The following PTCH2 variants were observed in gnomAD, a reference collection of about 807,000 sequenced individuals.
The protein encoded by PTCH2 is protein patched homolog 2.
PTCH2 carries 96 observed loss-of-function variants against 117.9 expected under a neutral mutation model. The observed-to-expected ratio is 0.81, with a 90% CI of 0.69 to 0.96. PTCH2 has a LOEUF of 0.96. Ranked by LOEUF, PTCH2 falls within the 50% of genes least tolerant of loss-of-function variation. PTCH2 has a pLI of 0.00. For synonymous variants in PTCH2, 615 were observed against 660.9 expected, an observed-to-expected ratio of 0.93 and a Z score of 1.06; for missense variants, 1,379 against 1,562.5, an observed-to-expected ratio of 0.88 and a Z score of 1.98.
At chr1:44,824,115 T>G (rs1297623797) in intron 19 of PTCH2, among the ~76,000 whole-genome samples, 1 of 152,172 alleles carries the variant, frequency 6.6e-6, no homozygotes, top group African/African-American at 2.4e-5. Flanking sequence ...AAGCCTGAAA[T>G]AGTTATTATT....
chr1:44,829,888 A>G (rs1475077068), intron 7 of PTCH2, 21 bp downstream of exon 7: 12 of 1,613,866 alleles, frequency 7.4e-6, no homozygotes, highest in Non-Finnish European at 1.0e-5. Context: ...TCCCCTCACC[A>G]ACTCCCAGAG....
chr1:44,825,713 G>T (rs1653112840), intron 19 of PTCH2, among the ~76,000 whole-genome samples: 1 of 151,420 alleles, frequency 6.6e-6, no homozygotes, highest in African/African-American at 2.4e-5. Flanking sequence ...TTTCAGTAGA[G>T]ACGGGGTTTT....
rs2148886522 is a variant in PTCH2, at chr1:44,842,045, A to C, written c.73-6T>G. The C allele has an allele frequency of 6.2e-7, 1 of 1,609,572 alleles. No homozygotes were observed. The highest frequency in any genetic ancestry group is 8.5e-7 in the Non-Finnish European group (1 of 1,176,532). On this transcript the variant is annotated splice_region_variant and splice_polypyrimidine_tract_variant and intron_variant, in intron 1 of 21. Coordinates refer to ENST00000372192, the MANE Select transcript of PTCH2 (RefSeq NM_003738.5). ...TTCAGGCTCCCAGCTAGGATCTGGG[A>C]TGGAAAGAGAAGGGTCAGCCAGGCA...
In PTCH2 at chr1:44,827,884, G is replaced by A. The variant is rs151287275; in HGVS notation, c.2017C>T (p.Arg673Cys). ...AGCAGCAACGGGGCAAACTGATAGC[G>A]GGCGAAATGGGCAAGATTCCAGCGG... ...CARWNLAHFA[R>C]YQFAPLLLQS... Residue 673 changes from arginine (R) to cysteine (C), a missense_variant, in exon 14 of 22, where the codon CGC becomes TGC. By Grantham distance (180) the Arg-to-Cys change is radical (BLOSUM62 -3). Coordinates refer to ENST00000372192, the MANE Select transcript of PTCH2 (RefSeq NM_003738.5). The A allele has an allele frequency of 1.9e-5, 31 of 1,614,038 alleles. No individual in the cohort carries two copies. The highest frequency in any genetic ancestry group is 5.5e-5 in the South Asian group (5 of 91,090).
At position 44,843,051 on chromosome 1, in the gene PTCH2, G is replaced by C; in HGVS notation, c.-119C>G. The C allele has an allele frequency of 3.5e-6, 5 of 1,430,738 alleles. No individual in the cohort carries two copies. Among genetic ancestry groups the C allele is most frequent in the Non-Finnish European group, 4.6e-6 (5 of 1,096,754 alleles). The allele number at this position is 1,430,738 out of a possible 1,614,324, so 88.6% of individuals were successfully genotyped here. A position where few individuals can be genotyped will look rare whatever the true frequency, so the allele number is the denominator to read the frequency against. The stretch of plus-strand genomic sequence containing the variant: ...GTAGGGATTCAGTGGGGCCGCCAAG[G>C]CGCGGGCGTGGGAGAGACTGTGGGG... On this transcript the variant is annotated 5_prime_UTR_variant, in exon 1 of 22. Coordinates refer to ENST00000372192, the MANE Select transcript of PTCH2 (RefSeq NM_003738.5).
Position 44,822,521 on chromosome 1 carries a change from A to AG in PTCH2, c.3505dup (p.Leu1169ProfsTer11), listed in dbSNP as rs763413121. On this transcript the variant is annotated frameshift_variant, in exon 22 of 22. Transcript: ENST00000372192. LOFTEE classifies it low-confidence loss of function (END_TRUNC). Reference sequence around the variant, plus strand: ...GGCTGGATGGATGTAGGCACCAGGCAGGGGGGGTGGGTGGATGGCCACGGT... The same window carrying AG: ...GGCTGGATGGATGTAGGCACCAGGCAGGGGGGGGTGGGTGGATGGCCACGGT... 39 of 1,610,846 alleles carry AG rather than the reference A, an allele frequency of 2.4e-5. No homozygotes were observed. The highest frequency in any genetic ancestry group is 1.5e-4 in the Admixed American group (9 of 59,962).
rs1267270984 is a variant in PTCH2, at chr1:44,830,048, G to A, written c.814-18C>T. ...TTGGGAGCCTGGAGGGGAACAGGAG[G>A]GGTTAATGCTCAAGGCCCTGGCCGT... On this transcript the variant is annotated intron_variant, in intron 6 of 21. Coordinates refer to ENST00000372192, the MANE Select transcript of PTCH2 (RefSeq NM_003738.5). 6.2e-7 allele frequency: 1 copy of A among 1,613,424 alleles called. No individual in the cohort carries two copies. Among genetic ancestry groups the A allele is most frequent in the Admixed American group, 1.7e-5 (1 of 59,954 alleles).
At position 44,827,618 on chromosome 1, in the gene PTCH2, G is replaced by A. The variant is rs200355030; in HGVS notation, c.2155C>T (p.Arg719Trp). The change falls in exon 15 of 22, where the codon CGG becomes TGG. Residue 719 changes from arginine to tryptophan, a missense_variant. Arg to Trp is a moderately radical substitution (Grantham distance 101). Coordinates refer to ENST00000372192, the MANE Select transcript of PTCH2 (RefSeq NM_003738.5). ...DGLALTDVVP[R>W]GTKEHAFLSA... ...AGGAAGGCATGCTCCTTGGTGCCCC[G>A]AGGCACCACATCCGTCAGGGCCAGG... 102 of 1,613,820 alleles carry A rather than the reference G, an allele frequency of 6.3e-5. No homozygotes were observed. The South Asian group carries it at 1.0e-3, about 16-fold the overall frequency.
intron 21 of PTCH2, 78 bp downstream of exon 21, chr1:44,822,991 G>A: frequency 6.7e-7 from 1 of 1,485,006 alleles, no homozygotes; most frequent in East Asian, 2.3e-5. Context: ...GGGCCACAGG[G>A]CTCTGTCCCT....
rs1201146587 is a variant in PTCH2 at position 44,826,674 on chromosome 1, G to T, written c.2790C>A (p.Ala930=). 4 of 1,609,632 alleles carry T rather than the reference G, an allele frequency of 2.5e-6. No individual in the cohort carries two copies. The Admixed American group carries it at 6.7e-5, about 27-fold the overall frequency. The change falls in exon 18 of 22, where the codon GCC becomes GCA. Residue 930 remains alanine, a synonymous_variant. Transcript: ENST00000372192. The surrounding 1 kb of genome is among the most constrained non-coding windows in gnomAD (Gnocchi z 5.1). Reference sequence around the variant, plus strand: ...GGCCGGCCTCTGCGCATGCTGCCCGGGCCCCCTCGATGGCCTCCACAAAGT... The same window carrying T: ...GGCCGGCCTCTGCGCATGCTGCCCGTGCCCCCTCGATGGCCTCCACAAAGT... The part of the protein sequence containing the change: ...TADFVEAIEG[A]RAACAEAGQA...
At chr1:44,834,122 C>CTT (rs10695694) in intron 2 of PTCH2, among the ~76,000 whole-genome samples, 29,132 of 140,846 alleles carry the variant, frequency 0.21, 3,248 homozygotes, top group East Asian at 0.28. Flanking sequence ...AGTTCCTTCC[C>CTT]TTTTTTTTTT....
At chr1:44,820,444 G>A (rs1389158602), downstream of PTCH2, 1 of 678,862 alleles carries the variant, frequency 1.5e-6, no homozygotes, top group East Asian at 2.8e-5. Flanking sequence ...GGAAACAGAC[G>A]GGCACAGACA....
In PTCH2 at chr1:44,826,480, G is replaced by A. The variant is rs775332857; in HGVS notation, c.2976+8C>T. ...GGTGTCTCTGTCCCCACTCCTGCAA[G>A]CACTCACTATGAGGCCAGCCGTCCA... is the stretch of plus-strand genomic sequence containing the variant. On this transcript the variant is annotated splice_region_variant and intron_variant, in intron 18 of 21. Coordinates refer to ENST00000372192, the MANE Select transcript of PTCH2 (RefSeq NM_003738.5). The surrounding 1 kb of genome is among the most constrained non-coding windows in gnomAD (Gnocchi z 5.1). The A allele has an allele frequency of 1.2e-6, 2 of 1,613,836 alleles. No individual in the cohort carries two copies. The highest frequency in any genetic ancestry group is 1.7e-6 in the Non-Finnish European group (2 of 1,179,998).
rs1366000440 is a variant in PTCH2, at chr1:44,842,846, T to A, written c.72+15A>T. 4 of 1,545,236 alleles carry A rather than the reference T, an allele frequency of 2.6e-6. No homozygotes were observed. Among genetic ancestry groups the A allele is most frequent in the Non-Finnish European group, 2.6e-6 (3 of 1,142,100 alleles). On this transcript the variant is annotated intron_variant, in intron 1 of 21. Coordinates refer to ENST00000372192, the MANE Select transcript of PTCH2 (RefSeq NM_003738.5). Reference sequence around the variant, plus strand: ...GCTCCGCTCTCTTCCTTCTTCCAGCTCCCCCTCTACTCACCTGGGGTGCTG... The same window carrying A: ...GCTCCGCTCTCTTCCTTCTTCCAGCACCCCCTCTACTCACCTGGGGTGCTG...
At position 44,823,139 on chromosome 1, in the gene PTCH2, G is replaced by A. The variant is rs1159570918; in HGVS notation, c.3287C>T (p.Thr1096Met). The change falls in exon 21 of 22, where the codon ACG becomes ATG. Residue 1096 changes from threonine to methionine, a missense_variant. By Grantham distance (81) the Thr-to-Met change is moderately conservative. Transcript: ENST00000372192. This position sits in a 1 kb window ranked among gnomAD's most constrained non-coding sequence, Gnocchi z 5.1. ...RYFFAALTVL[T>M]LLGLLHGLVL... ...GAGTCCATGGAGGAGGCCCAGGAGC[G>A]TGAGCACTGTCAGCGCCGCAAAGAA... The A allele has an allele frequency of 4.3e-6, 7 of 1,614,096 alleles. No individual in the cohort carries two copies. Among genetic ancestry groups the A allele is most frequent in the South Asian group, 1.1e-5 (1 of 91,062 alleles).
intron 2 of PTCH2, 120 bp downstream of exon 2, chr1:44,841,727 C>A (rs1653954980): frequency 9.3e-7 from 1 of 1,073,886 alleles, no homozygotes; most frequent in Admixed American, 1.9e-5. Flanking sequence ...GGACTCTGGC[C>A]AGCAGGTGAC....
Position 44,826,485 on chromosome 1 carries a change from C to A in PTCH2, c.2976+3G>T, listed in dbSNP as rs1653147268. The A allele has an allele frequency of 6.2e-7, 1 of 1,613,848 alleles. No homozygotes were observed. Among genetic ancestry groups the A allele is most frequent in the African/African-American group, 1.3e-5 (1 of 75,046 alleles). On this transcript the variant is annotated splice_donor_region_variant and intron_variant, in intron 18 of 21. Coordinates refer to ENST00000372192, the MANE Select transcript of PTCH2 (RefSeq NM_003738.5). This position sits in a 1 kb window ranked among gnomAD's most constrained non-coding sequence, Gnocchi z 5.1. The stretch of plus-strand genomic sequence containing the variant: ...CTCTGTCCCCACTCCTGCAAGCACT[C>A]ACTATGAGGCCAGCCGTCCAGGGGT...
intron 2 of PTCH2, among the ~76,000 whole-genome samples, chr1:44,841,632 A>G (rs1653951362): frequency 6.6e-6 from 1 of 152,244 alleles, no homozygotes; most frequent in Non-Finnish European, 1.5e-5. Context: ...CAAATATTCT[A>G]TACACCCAAT....
At position 44,827,461 on chromosome 1, in the gene PTCH2, G is replaced by T. The variant is rs768407826; in HGVS notation, c.2312C>A (p.Pro771His). 2 of 1,614,096 alleles carry T rather than the reference G, an allele frequency of 1.2e-6. No homozygotes were observed. Among genetic ancestry groups the T allele is most frequent in the Non-Finnish European group, 1.7e-6 (2 of 1,180,008 alleles). The stretch of plus-strand genomic sequence containing the variant: ...GCGGGGTGCCTGGGTGGCCGGTGGG[G>T]GCAGCACCGCCTTGAGGGAACTGAA... Reference protein sequence around the residue: ...QRFSSLKAVLPPPATQAPRTW... With the variant: ...QRFSSLKAVLHPPATQAPRTW... Residue 771 changes from proline to histidine, a missense_variant, in exon 15 of 22, where the codon CCC (proline) becomes CAC (histidine). Coordinates refer to ENST00000372192, the MANE Select transcript of PTCH2 (RefSeq NM_003738.5).
Sources: allele counts gnomAD v4.1 joint callset (sites outside exome capture counted in the v4.1 genomes callset), GRCh38; gene constraint gnomAD v4.1.1; non-coding constraint Gnocchi (gnomAD v3.1); transcripts MANE v1.5; gene names NCBI Gene and HGNC (gene_info 2026-07-23, HGNC 2026-07-21).